CELF2: variants seen among roughly 807,000 people sequenced by gnomAD.
CELF2 encodes CUG triplet repeat RNA-binding protein 2.
Under a neutral mutation model 62.6 loss-of-function variants are expected in CELF2, and 8 were observed. The ratio of observed to expected loss-of-function variants is 0.13; its 90% CI spans 0.07 to 0.23. The LOEUF is 0.23. Ranked by LOEUF, CELF2 falls within the 10% of genes least tolerant of loss-of-function variation. The pLI is 1.00. For synonymous variants in CELF2, 258 were observed against 250.0 expected (o/e 1.03, Z -0.30); for missense variants, 333 against 671.0 (o/e 0.50, Z 5.56).
At chr10:11,187,881 C>A (rs1445104355) in intron 2 of CELF2, among the ~76,000 whole-genome samples, 1 of 152,166 alleles carries the variant, frequency 6.6e-6, no homozygotes, top group African/African-American at 2.4e-5. Context: ...TAGATATTTC[C>A]ATCATAAGAA....
intron 8 of CELF2, among the ~76,000 whole-genome samples, chr10:11,277,258 G>A (rs1325821531): frequency 6.6e-6 from 1 of 152,202 alleles, no homozygotes; most frequent in East Asian, 1.9e-4. Flanking sequence ...CAAAAGTAGG[G>A]CTTAACTCTG....
the CELF2 span, among the ~76,000 whole-genome samples, chr10:10,580,945 A>C: frequency 6.6e-6 from 1 of 152,324 alleles, no homozygotes; most frequent in South Asian, 2.1e-4. Flanking sequence ...TACATTTATA[A>C]ATTTCTCTTT....
the CELF2 span, among the ~76,000 whole-genome samples, chr10:10,492,760 C>G: frequency 6.6e-6 from 1 of 152,172 alleles, no homozygotes; most frequent in Non-Finnish European, 1.5e-5. Flanking sequence ...CAAATTTCAT[C>G]TTGAATTGTA....
Position 11,270,743 on chromosome 10 carries a change from C to G in CELF2, c.696C>G (p.Leu232=). 1 of 1,564,362 alleles carries G rather than the reference C, an allele frequency of 6.4e-7. No individual in the cohort carries two copies. The highest frequency in any genetic ancestry group is 1.2e-5 in the South Asian group (1 of 85,530). The change falls in exon 7 of 13, where the codon CTC becomes CTG. Residue 232 remains leucine (L), a synonymous_variant. Transcript: ENST00000633077. The surrounding 1 kb of genome is among the most constrained non-coding windows in gnomAD (Gnocchi z 5.8). ...AGCAAAGGCGCCTCCAGCAGCAGCT[C>G]GCTCAGCAGATGCAGCAGCTCAACA... ...DKEQRRLQQQ[L]AQQMQQLNTA... is the part of the protein sequence containing the mutation.
chr10:10,831,123 A>G (rs1469896078), intron 1 of CELF2, among the ~76,000 whole-genome samples: 1 of 152,218 alleles, frequency 6.6e-6, no homozygotes, highest in Non-Finnish European at 1.5e-5. Context: ...TGAAGCCTGT[A>G]GAACAAAGAA....
chr10:11,100,589 A>G (rs1408254873), intron 1 of CELF2, among the ~76,000 whole-genome samples: 4 of 152,120 alleles, frequency 2.6e-5, no homozygotes, highest in East Asian at 1.9e-4. Flanking sequence ...TCATTCTTAT[A>G]TTTGAAAAAG....
At chr10:10,798,952 C>G in intron 1 of CELF2, 1 of 396,958 alleles carries the variant, frequency 2.5e-6, no homozygotes. Context: ...CGCAGATCTG[C>G]TAGTGGGAAG....
At chr10:10,748,747 CAAAAAAAAAA>C in the CELF2 span, among the ~76,000 whole-genome samples, 7 of 36,964 alleles carry the variant, frequency 1.9e-4, no homozygotes, top group South Asian at 9.0e-4. Context: ...GACTCTGTCT[CAAAAAAAAAA>C]AAAAAAAAAA....
the CELF2 span, among the ~76,000 whole-genome samples, chr10:10,710,512 G>A: frequency 2.6e-5 from 4 of 152,260 alleles, no homozygotes; most frequent in African/African-American, 9.6e-5. Flanking sequence ...TAAGCATAAC[G>A]AAGTACAGCA....
the CELF2 span, among the ~76,000 whole-genome samples, chr10:10,684,736 C>T: frequency 6.6e-6 from 1 of 152,000 alleles, no homozygotes; most frequent in African/African-American, 2.4e-5. Context: ...AGAGCAGGAC[C>T]CTGTCTCAAC....
intron 1 of CELF2, chr10:11,030,734 T>C (rs1007800542): frequency 6.6e-6 from 1 of 152,278 alleles, no homozygotes; most frequent in African/African-American, 2.4e-5. Flanking sequence ...GTTTTGAGTG[T>C]GAAATACAGG....
At chr10:11,287,529 T>C (rs554470603) in intron 8 of CELF2, among the ~76,000 whole-genome samples, 76 of 152,328 alleles carry the variant, frequency 5.0e-4, no homozygotes, top group Non-Finnish European at 9.7e-4. Flanking sequence ...TTTTCATGAG[T>C]CACACATTTA....
At chr10:11,209,591 A>T (rs1399450496) in intron 2 of CELF2, among the ~76,000 whole-genome samples, 7 of 147,654 alleles carry the variant, frequency 4.7e-5, no homozygotes, top group African/African-American at 1.0e-4. Context: ...TTTAAGGTTA[A>T]TGCTAAGTTT....
chr10:11,263,734 A>T (rs968552750), intron 5 of CELF2, among the ~76,000 whole-genome samples: 1 of 152,228 alleles, frequency 6.6e-6, no homozygotes, highest in Non-Finnish European at 1.5e-5. Flanking sequence ...TGTTAGTATA[A>T]AGCCATACAT....
At chr10:10,669,578 A>T in the CELF2 span, among the ~76,000 whole-genome samples, 1 of 152,212 alleles carries the variant, frequency 6.6e-6, no homozygotes, top group African/African-American at 2.4e-5. Context: ...GTAATTTGCC[A>T]TGACTCCCTG....
intron 1 of CELF2, among the ~76,000 whole-genome samples, chr10:11,090,998 T>G (rs2048165899): frequency 6.6e-6 from 1 of 152,234 alleles, no homozygotes; most frequent in Admixed American, 6.5e-5. Flanking sequence ...AATATCATTC[T>G]TTTATAATCC....
intron 2 of CELF2, among the ~76,000 whole-genome samples, chr10:11,201,035 A>G (rs1457534082): frequency 1.3e-5 from 2 of 152,210 alleles, no homozygotes; most frequent in South Asian, 2.1e-4. Flanking sequence ...CAGTGCTTCA[A>G]TGGCTTTGTC....
chr10:10,824,392 T>C (rs2057217676), intron 1 of CELF2, among the ~76,000 whole-genome samples: 1 of 152,146 alleles, frequency 6.6e-6, no homozygotes, highest in Non-Finnish European at 1.5e-5. Flanking sequence ...CTCAGTTTTA[T>C]CCACAAAACC....
the CELF2 span, among the ~76,000 whole-genome samples, chr10:10,512,401 CT>C: frequency 0.072 from 7,834 of 108,942 alleles, 448 homozygotes; most frequent in African/African-American, 0.15. Flanking sequence ...TTTTGGAACG[CT>C]TTTTTTTTTT....
Sources: gnomAD v4.1 joint callset for allele counts (sites outside exome capture counted in the v4.1 genomes callset) on GRCh38, gnomAD v4.1.1 for gene constraint, Gnocchi (gnomAD v3.1) non-coding constraint, MANE v1.5 for transcripts, NCBI Gene and HGNC (gene_info 2026-07-23, HGNC 2026-07-21) for gene names.